Variants in PCSK5 observed in about 807,000 individuals in gnomAD.
The protein encoded by PCSK5 is prohormone convertase 5.
A neutral mutation model predicts 233.2 loss-of-function variants in PCSK5; 129 were observed. The observed-to-expected ratio is 0.55, with a 90% confidence interval of 0.48 to 0.64. The LOEUF (loss-of-function observed/expected upper bound fraction) is 0.64, where lower values mean the gene tolerates loss of function less well. PCSK5 is among the 30% of genes least tolerant of loss of function. PCSK5 has a pLI of 0.00. For missense variants in PCSK5, 2,076 were observed against 2,430.1 expected (o/e 0.85, Z 3.06); for synonymous variants, 825 against 879.2 (o/e 0.94, Z 1.09).
At chr9:76,182,271 G>T (rs1384573977) in intron 16 of PCSK5, among the ~76,000 whole-genome samples, 1 of 152,072 alleles carries the variant, frequency 6.6e-6, no homozygotes, top group Non-Finnish European at 1.5e-5. Flanking sequence ...TAGACACCAG[G>T]CCTGTATGAT....
At chr9:76,355,937 C>T (rs1031112772) in intron 37 of PCSK5, among the ~76,000 whole-genome samples, 3 of 152,278 alleles carry the variant, frequency 2.0e-5, no homozygotes, top group Admixed American at 2.0e-4. Flanking sequence ...CTCCTGACCT[C>T]AGGTGATCTG....
intron 3 of PCSK5, among the ~76,000 whole-genome samples, chr9:76,021,371 G>GT (rs1296237200): frequency 1.3e-5 from 2 of 151,706 alleles, no homozygotes; most frequent in South Asian, 2.1e-4. Flanking sequence ...GTGTGGGTTG[G>GT]GGGGTGTATT....
chr9:76,008,247 A>G (rs780086743), intron 3 of PCSK5, among the ~76,000 whole-genome samples: 3 of 151,964 alleles, frequency 2.0e-5, no homozygotes, highest in Non-Finnish European at 4.4e-5. Context: ...CTTATGTGTA[A>G]TTTGAGGTTT....
intron 8 of PCSK5, among the ~76,000 whole-genome samples, chr9:76,107,024 C>G (rs1213193873): frequency 6.6e-6 from 1 of 152,158 alleles, no homozygotes; most frequent in Non-Finnish European, 1.5e-5. Flanking sequence ...GGTTTTGACC[C>G]TGGTTTGAAC....
intron 32 of PCSK5, among the ~76,000 whole-genome samples, chr9:76,325,283 T>C (rs985336044): frequency 2.0e-5 from 3 of 152,108 alleles, no homozygotes; most frequent in Non-Finnish European, 4.4e-5. Flanking sequence ...CTTTCTCTGG[T>C]GTTGAATAAT....
chr9:76,142,822 C>CTTCT (rs1259657734), intron 10 of PCSK5, among the ~76,000 whole-genome samples: 2 of 152,142 alleles, frequency 1.3e-5, no homozygotes, highest in African/African-American at 4.8e-5. Context: ...TCTTGTGACA[C>CTTCT]TTCTTTTCTC....
At chr9:76,046,059 T>C (rs1415220627) in intron 5 of PCSK5, among the ~76,000 whole-genome samples, 1 of 152,052 alleles carries the variant, frequency 6.6e-6, no homozygotes, top group African/African-American at 2.4e-5. Context: ...AGCATTAATA[T>C]AGTTGTTTTC....
chr9:76,160,639 G>A (rs549538842), intron 12 of PCSK5, among the ~76,000 whole-genome samples: 1 of 152,250 alleles, frequency 6.6e-6, no homozygotes, highest in South Asian at 2.1e-4. Context: ...AAGTCTGCAC[G>A]GCCAACAGTG....
rs10694867 is a variant in PCSK5 at position 76,018,007 on chromosome 9, C to CAA, written c.412-5720_412-5719dup. Among the ~76,000 whole-genome samples, 3 of 121,024 alleles carry CAA rather than the reference C, an allele frequency of 2.5e-5. 1 individual carries two copies. The highest frequency in any genetic ancestry group is 4.9e-5 in the Non-Finnish European group (3 of 60,740). 79.4% of individuals were successfully genotyped at this position (121,024 alleles called of 152,430 possible). A position where few individuals can be genotyped will look rare whatever the true frequency, so the allele number is the denominator to read the frequency against. ...GGAAAAGGTTAAAGAAGGTCTCCTC[C>CAA]AAAAAAAAAAAATGTGTGAGGGAGT... On this transcript the variant is annotated intron_variant, in intron 3 of 37. Transcript: ENST00000674117.
intron 29 of PCSK5, among the ~76,000 whole-genome samples, chr9:76,310,114 G>A (rs1431182914): frequency 2.6e-5 from 4 of 152,064 alleles, no homozygotes; most frequent in Non-Finnish European, 5.9e-5. Flanking sequence ...CAGGTGTGGT[G>A]GTGCACGCCT....
chr9:75,890,316 G>A (rs188429293), upstream of PCSK5, among the ~76,000 whole-genome samples: 12 of 152,338 alleles, frequency 7.9e-5, no homozygotes, highest in African/African-American at 2.6e-4. Context: ...ATTTAAGGAC[G>A]TTTAGAACGA....
intron 10 of PCSK5, among the ~76,000 whole-genome samples, chr9:76,147,364 C>T (rs1279296098): frequency 6.6e-6 from 1 of 152,166 alleles, no homozygotes; most frequent in Non-Finnish European, 1.5e-5. Context: ...TTCTTTTGCT[C>T]CTGGCATGAG....
At chr9:76,273,696 G>A (rs1425541914) in intron 24 of PCSK5, among the ~76,000 whole-genome samples, 7 of 150,552 alleles carry the variant, frequency 4.6e-5, no homozygotes, top group South Asian at 4.2e-4. Context: ...GCAGTGGTGC[G>A]ATCATAGCTC....
rs1474156041 is a variant in PCSK5, at chr9:76,159,002, G to T, written c.1450G>T (p.Ala484Ser). 1.2e-6 allele frequency: 2 copies of T among 1,613,946 alleles called. No individual in the cohort carries two copies. Among genetic ancestry groups the T allele is most frequent in the African/African-American group, 2.7e-5 (2 of 74,926 alleles). Residue 484 changes from alanine (A) to serine (S), a missense_variant, in exon 12 of 38, where the codon GCA becomes TCA. Ala to Ser is a moderately conservative substitution (Grantham distance 99). Transcript: ENST00000674117. ...RQIKTIRPNS[A>S]VRSIYKASGC... ...TTACAGGACAATCCGCCCTAACAGT[G>T]CAGTGCGCTCCATCTACAAAGCTTC...
At chr9:76,075,444 A>T (rs900363848) in intron 7 of PCSK5, among the ~76,000 whole-genome samples, 9 of 151,948 alleles carry the variant, frequency 5.9e-5, no homozygotes, top group Non-Finnish European at 8.8e-5. Context: ...TTCCCAAAGG[A>T]TGTTCCTCTA....
chr9:76,348,035 C>A (rs1395013402), intron 35 of PCSK5, among the ~76,000 whole-genome samples: 1 of 152,048 alleles, frequency 6.6e-6, no homozygotes, highest in Non-Finnish European at 1.5e-5. Flanking sequence ...CTTTGGGAGG[C>A]CAAGGTGGGC....
chr9:76,349,106 C>A (rs564774710), intron 35 of PCSK5, among the ~76,000 whole-genome samples: 1 of 75,278 alleles, frequency 1.3e-5, no homozygotes, highest in East Asian at 5.2e-4. Flanking sequence ...CCCGTCTCTA[C>A]TAAAAACATA....
chr9:75,900,812 C>T (rs1041072724), intron 1 of PCSK5, among the ~76,000 whole-genome samples: 1 of 151,560 alleles, frequency 6.6e-6, no homozygotes, highest in African/African-American at 2.4e-5. Context: ...TGTAGTCATC[C>T]CAATTGTATG....
intron 24 of PCSK5, among the ~76,000 whole-genome samples, chr9:76,269,345 G>C (rs1159000649): frequency 6.6e-6 from 1 of 152,112 alleles, no homozygotes; most frequent in Non-Finnish European, 1.5e-5. Flanking sequence ...TAAGTGTTCA[G>C]GGGAGTGAAT....
Sources: allele counts gnomAD v4.1 joint callset (sites outside exome capture counted in the v4.1 genomes callset), GRCh38; gene constraint gnomAD v4.1.1; transcripts MANE v1.5; gene names NCBI Gene and HGNC (gene_info 2026-07-23, HGNC 2026-07-21).